The following RPS6KA2 variants were observed in gnomAD, a reference collection of about 807,000 sequenced individuals.
The protein encoded by RPS6KA2 is ribosomal protein S6 kinase alpha-2.
A neutral mutation model predicts 91.8 loss-of-function variants in RPS6KA2; 42 were observed. That is an observed-to-expected ratio of 0.46 (90% CI 0.36 to 0.59). RPS6KA2 has a LOEUF of 0.59. Ranked by LOEUF, RPS6KA2 falls within the 20% of genes least tolerant of loss-of-function variation. The pLI, the probability that RPS6KA2 is intolerant of heterozygous loss-of-function variation, is 0.00. For synonymous variants in RPS6KA2, 414 were observed against 393.6 expected, an observed-to-expected ratio of 1.05 and a Z score of -0.61; for missense variants, 798 against 978.5, an observed-to-expected ratio of 0.82 and a Z score of 2.46.
chr6:166,473,746 A>G (rs1269306036), intron 10 of RPS6KA2, among the ~76,000 whole-genome samples: 1 of 152,124 alleles, frequency 6.6e-6, no homozygotes, highest in Non-Finnish European at 1.5e-5. Context: ...CATCTCCGAC[A>G]CTTCTGGGAA....
chr6:166,503,470 C>T (rs984767591), intron 6 of RPS6KA2, among the ~76,000 whole-genome samples: 7 of 152,186 alleles, frequency 4.6e-5, no homozygotes, highest in Admixed American at 1.3e-4. Flanking sequence ...GCAACTGGGA[C>T]GCGTTTGCAG....
At position 166,416,606 on chromosome 6, in the gene RPS6KA2, A is replaced by G. The variant is rs568230568; in HGVS notation, c.1938+1619T>C. 4.0e-5 allele frequency among the ~76,000 whole-genome samples: 6 copies of G among 148,574 alleles called. No individual in the cohort carries two copies. In the East Asian group the frequency reaches 1.2e-3, roughly 30 times the overall value. On this transcript the variant is annotated intron_variant, in intron 19 of 20. Coordinates refer to ENST00000265678, the MANE Select transcript of RPS6KA2 (RefSeq NM_021135.6). ...GATCACTCCCGCCACCTCTGCCACC[A>G]CTTCTGTCATCCCTCCACCATCAGC...
chr6:166,538,525 G>A, intron 2 of RPS6KA2, 143 bp downstream of exon 2: 1 of 519,368 alleles, frequency 1.9e-6, no homozygotes, highest in Non-Finnish European at 3.6e-6. Flanking sequence ...TGCAAAGTGA[G>A]ACCCCGGTTC....
At chr6:166,841,785 C>T (rs1287063877) in intron 2 of RPS6KA2, among the ~76,000 whole-genome samples, 1 of 152,240 alleles carries the variant, frequency 6.6e-6, no homozygotes, top group Non-Finnish European at 1.5e-5. Context: ...CCCGTGACCA[C>T]TCTCTAAAGA....
chr6:166,767,567 A>AT lies in RPS6KA2; in HGVS notation c.123+90632_123+90633insA, dbSNP rs1317911489. Among the ~76,000 whole-genome samples, 1 of 152,164 alleles carries AT rather than the reference A, an allele frequency of 6.6e-6. No individual in the cohort carries two copies. The highest frequency in any genetic ancestry group is 1.9e-4 in the East Asian group (1 of 5,184). ...TGCGCTCCACTTGCCAGCAAGCCTC[A>AT]AAGGGACCCAGGAAGGGTGAACATT... On this transcript the variant is annotated intron_variant, in intron 2 of 21. Transcript: ENST00000503859. The surrounding 1 kb of genome is among the most constrained non-coding windows in gnomAD (Gnocchi z 4.6).
intron 2 of RPS6KA2, among the ~76,000 whole-genome samples, chr6:166,811,014 T>C (rs1462062173): frequency 6.6e-6 from 1 of 151,954 alleles, no homozygotes; most frequent in African/African-American, 2.4e-5. Context: ...AGCTGGCAAA[T>C]AGTTGATGTA....
At chr6:166,796,666 C>A (rs994247029) in intron 2 of RPS6KA2, among the ~76,000 whole-genome samples, 1 of 152,262 alleles carries the variant, frequency 6.6e-6, no homozygotes, top group African/African-American at 2.4e-5. Flanking sequence ...CCTCTCTCCT[C>A]TCCCTTTCCC....
intron 2 of RPS6KA2, among the ~76,000 whole-genome samples, chr6:166,687,251 G>A (rs180710955): frequency 1.6e-4 from 25 of 152,316 alleles, no homozygotes; most frequent in East Asian, 5.8e-4. Context: ...GCCTCGCTTC[G>A]TTGACCCTGA....
chr6:166,497,309 C>T (rs1196945755), intron 8 of RPS6KA2, among the ~76,000 whole-genome samples: 1 of 152,246 alleles, frequency 6.6e-6, no homozygotes, highest in Non-Finnish European at 1.5e-5. Flanking sequence ...CGTGCCTGTG[C>T]TCACGTGTTG....
At chr6:166,604,683 G>A (rs951669328) in intron 1 of RPS6KA2, among the ~76,000 whole-genome samples, 1 of 152,182 alleles carries the variant, frequency 6.6e-6, no homozygotes, top group African/African-American at 2.4e-5. Flanking sequence ...AACATGGGGC[G>A]CCTGATGTCT....
chr6:166,556,308 C>T (rs1189568995), intron 1 of RPS6KA2, among the ~76,000 whole-genome samples: 1 of 152,216 alleles, frequency 6.6e-6, no homozygotes, highest in African/African-American at 2.4e-5. Context: ...CTCAGCTCCA[C>T]AGGCGACTGA....
At chr6:166,862,361 C>T (rs1781067343) in exon 1 of RPS6KA2, 5 of 1,425,134 alleles carry the variant, frequency 3.5e-6, no homozygotes, top group African/African-American at 1.4e-5. Flanking sequence ...CCTGCGCCGG[C>T]CGGAGGAGGG....
At chr6:166,677,674 C>T (rs961927588) in intron 2 of RPS6KA2, among the ~76,000 whole-genome samples, 3 of 152,114 alleles carry the variant, frequency 2.0e-5, no homozygotes, top group Admixed American at 6.5e-5. Flanking sequence ...CATCTTTATC[C>T]TTGAAAAGGG....
intron 2 of RPS6KA2, among the ~76,000 whole-genome samples, chr6:166,536,251 G>T (rs1783474187): frequency 6.6e-6 from 1 of 152,254 alleles, no homozygotes; most frequent in African/African-American, 2.4e-5. Context: ...TTGCTCTTTG[G>T]AGCGGAGGCA....
intron 2 of RPS6KA2, among the ~76,000 whole-genome samples, chr6:166,752,819 A>G (rs1196179924): frequency 1.3e-5 from 2 of 152,210 alleles, no homozygotes; most frequent in Admixed American, 1.3e-4. Context: ...GTTTCTTGGT[A>G]AAATCTGCAT....
intron 2 of RPS6KA2, among the ~76,000 whole-genome samples, chr6:166,661,257 C>T (rs953394290): frequency 6.6e-6 from 1 of 152,132 alleles, no homozygotes; most frequent in African/African-American, 2.4e-5. Flanking sequence ...CCCATCATCA[C>T]GCATGGCTAA....
At chr6:166,664,477 T>C (rs974819035) in intron 2 of RPS6KA2, among the ~76,000 whole-genome samples, 2 of 152,216 alleles carry the variant, frequency 1.3e-5, no homozygotes, top group East Asian at 3.9e-4. Flanking sequence ...TTTAAGGGCA[T>C]CAGGAAGATG....
intron 2 of RPS6KA2, among the ~76,000 whole-genome samples, chr6:166,709,125 T>C (rs548400174): frequency 1.8e-4 from 27 of 152,210 alleles, no homozygotes; most frequent in Non-Finnish European, 3.5e-4. Context: ...TGTGCCTCAG[T>C]TTCCTCCTCC....
At chr6:166,809,427 T>A (rs569156132) in intron 2 of RPS6KA2, among the ~76,000 whole-genome samples, 1 of 152,266 alleles carries the variant, frequency 6.6e-6, no homozygotes, top group African/African-American at 2.4e-5. Flanking sequence ...TGGGAGGTGA[T>A]ATTTACAATT....
Sources: gnomAD v4.1 joint callset for allele counts (sites outside exome capture counted in the v4.1 genomes callset) on GRCh38, gnomAD v4.1.1 for gene constraint, Gnocchi (gnomAD v3.1) non-coding constraint, MANE v1.5 for transcripts, NCBI Gene and HGNC (gene_info 2026-07-23, HGNC 2026-07-21) for gene names.